Variants in F13A1 observed in about 807,000 individuals in gnomAD.
F13A1 encodes the protein FSF, A subunit.
F13A1 carries 47 observed loss-of-function variants against 80.1 expected under a neutral mutation model. The ratio of observed to expected loss-of-function variants is 0.59; its 90% CI spans 0.46 to 0.75. The LOEUF is 0.75. Among genes scored for constraint, F13A1 ranks in the 30% least tolerant of loss-of-function variants. The pLI is 0.00. For synonymous variants in F13A1, 349 were observed against 344.9 expected (o/e 1.01, Z -0.13); for missense variants, 817 against 930.4 (o/e 0.88, Z 1.59).
intron 3 of F13A1, among the ~76,000 whole-genome samples, chr6:6,300,820 G>T (rs1001849160): frequency 4.8e-5 from 7 of 146,780 alleles, no homozygotes; most frequent in African/African-American, 1.5e-4. Context: ...ATTCTCGTCT[G>T]TTTTTTTTTT....
chr6:6,272,089 A>G (rs1233971675), intron 3 of F13A1, among the ~76,000 whole-genome samples: 2 of 152,188 alleles, frequency 1.3e-5, no homozygotes, highest in Non-Finnish European at 2.9e-5. Flanking sequence ...CCCTGGGGAA[A>G]ATGTCCTCTC....
intron 8 of F13A1, among the ~76,000 whole-genome samples, chr6:6,204,740 C>G (rs770797434): frequency 6.6e-6 from 1 of 152,202 alleles, no homozygotes; most frequent in Non-Finnish European, 1.5e-5. Flanking sequence ...AGGAAGATGA[C>G]AGAAAGGAAT....
At chr6:6,301,222 T>C (rs1453390534) in intron 3 of F13A1, among the ~76,000 whole-genome samples, 2 of 152,224 alleles carry the variant, frequency 1.3e-5, no homozygotes, top group Non-Finnish European at 2.9e-5. Context: ...CTTACAACTA[T>C]GGCAGCCATG....
chr6:6,300,758 G>C (rs1222727692), intron 3 of F13A1, among the ~76,000 whole-genome samples: 1 of 151,268 alleles, frequency 6.6e-6, no homozygotes, highest in African/African-American at 2.4e-5. Flanking sequence ...GGCCATCTTG[G>C]CTCCTCCCCC....
At chr6:6,168,828 A>G (rs1185696535) in intron 12 of F13A1, among the ~76,000 whole-genome samples, 1 of 152,178 alleles carries the variant, frequency 6.6e-6, no homozygotes, top group Non-Finnish European at 1.5e-5. Flanking sequence ...CTGACTCCCC[A>G]CTGGCTCGAA....
intron 2 of F13A1, among the ~76,000 whole-genome samples, chr6:6,316,379 T>C (rs1056245380): frequency 2.0e-5 from 3 of 151,840 alleles, no homozygotes; most frequent in Admixed American, 6.6e-5. Context: ...TGGACATTCA[T>C]ATTCCTATGC....
chr6:6,240,304 C>T (rs1305507307), intron 6 of F13A1, among the ~76,000 whole-genome samples: 1 of 152,134 alleles, frequency 6.6e-6, no homozygotes, highest in East Asian at 1.9e-4. Context: ...CAAATGGAAA[C>T]TTCATTACAC....
At chr6:6,261,328 C>T (rs558995449) in intron 4 of F13A1, among the ~76,000 whole-genome samples, 59 of 152,284 alleles carry the variant, frequency 3.9e-4, no homozygotes, top group Admixed American at 2.4e-3. Context: ...GACAGGCTGG[C>T]GGGGCTGCCT....
intron 8 of F13A1, among the ~76,000 whole-genome samples, chr6:6,212,936 A>G (rs1409833231): frequency 6.6e-6 from 1 of 152,208 alleles, no homozygotes; most frequent in Non-Finnish European, 1.5e-5. Flanking sequence ...TCAGCGATGG[A>G]AGATGAAATG....
chr6:6,207,705 C>CA (rs1461447284), intron 8 of F13A1, among the ~76,000 whole-genome samples: 1 of 152,218 alleles, frequency 6.6e-6, no homozygotes, highest in Non-Finnish European at 1.5e-5. Context: ...TTCCCCAACA[C>CA]ACACACAACG....
chr6:6,310,595 C>T (rs987826166), intron 2 of F13A1, among the ~76,000 whole-genome samples: 4 of 152,080 alleles, frequency 2.6e-5, no homozygotes, highest in Non-Finnish European at 5.9e-5. Context: ...GAACCCAAAT[C>T]CCAACTCTCA....
chr6:6,167,393 T>G, intron 13 of F13A1, 65 bp downstream of exon 13: 1 of 1,505,880 alleles, frequency 6.6e-7, no homozygotes, highest in Non-Finnish European at 9.2e-7. Flanking sequence ...AGCACGCATA[T>G]GCACACATGA....
chr6:6,197,956 C>T (rs1234197532), intron 8 of F13A1, among the ~76,000 whole-genome samples: 2 of 152,062 alleles, frequency 1.3e-5, no homozygotes, highest in Non-Finnish European at 2.9e-5. Flanking sequence ...AAACAACTTA[C>T]TAGGTACCGA....
intron 8 of F13A1, among the ~76,000 whole-genome samples, chr6:6,207,678 C>T (rs978052944): frequency 2.6e-5 from 4 of 152,138 alleles, no homozygotes; most frequent in East Asian, 1.9e-4. Flanking sequence ...AAACTGCCTG[C>T]GGGTTAATTA....
At chr6:6,305,663 G>A (rs1283795620) in intron 2 of F13A1, 124 bp from the exon 3 acceptor site, 3 of 874,052 alleles carry the variant, frequency 3.4e-6, no homozygotes, top group South Asian at 1.5e-5. Flanking sequence ...ATGAAACTCT[G>A]TAGGAGGCAG....
chr6:6,306,868 A>T (rs1478083010), intron 2 of F13A1, among the ~76,000 whole-genome samples: 1 of 152,208 alleles, frequency 6.6e-6, no homozygotes, highest in Non-Finnish European at 1.5e-5. Context: ...CCTGTGCAGG[A>T]TGCCTGGTCC....
intron 11 of F13A1, among the ~76,000 whole-genome samples, chr6:6,177,847 G>C (rs549517955): frequency 6.6e-6 from 1 of 152,282 alleles, no homozygotes; most frequent in Non-Finnish European, 1.5e-5. Context: ...GAGGCCTCTC[G>C]GAGTTTTTGG....
In F13A1 at chr6:6,300,104, G is replaced by C. The variant is rs1421477447; in HGVS notation, c.319+5247C>G. ...ACCCACTTGAGGAGGCAGTCTGCCT[G>C]TTCTCAGATCTCCAGCTGTGTGCTG... On this transcript the variant is annotated intron_variant, in intron 3 of 14. Coordinates refer to ENST00000264870, the MANE Select transcript of F13A1 (RefSeq NM_000129.4). Among the ~76,000 whole-genome samples, 100 of 144,890 alleles carry C rather than the reference G, an allele frequency of 6.9e-4. 2 individuals are homozygous for C. The highest frequency in any genetic ancestry group is 4.3e-3 in the Admixed American group (65 of 15,046).
At position 6,174,623 on chromosome 6, in the gene F13A1, T is replaced by C. The variant is rs5986; in HGVS notation, c.1704A>G (p.Glu568=). 138,926 of 1,614,104 alleles carry C rather than the reference T, an allele frequency of 0.086. 6,513 individuals carry two copies. The highest frequency in any genetic ancestry group is 0.12 in the Middle Eastern group (729 of 6,062). ...ITFYTGVPKA[E]FKKETFDVTL... Reference sequence around the variant, plus strand: ...TCACGTCGAACGTCTCCTTCTTGAATTCTGCCTTCGGGACCCCGGTGTAGA... The same window carrying C: ...TCACGTCGAACGTCTCCTTCTTGAACTCTGCCTTCGGGACCCCGGTGTAGA... The change falls in exon 12 of 15, where the codon GAA becomes GAG. Residue 568 remains glutamate, a synonymous_variant. Coordinates refer to ENST00000264870, the MANE Select transcript of F13A1 (RefSeq NM_000129.4).
Sources: gnomAD v4.1 joint callset for allele counts (sites outside exome capture counted in the v4.1 genomes callset) on GRCh38, gnomAD v4.1.1 for gene constraint, MANE v1.5 for transcripts, NCBI Gene and HGNC (gene_info 2026-07-23, HGNC 2026-07-21) for gene names.